CNTNAP3: variants seen among roughly 807,000 people sequenced by gnomAD.
CNTNAP3 encodes contactin-associated protein-like 3.
A neutral mutation model predicts 92.1 loss-of-function variants in CNTNAP3; 36 were observed. The ratio of observed to expected loss-of-function variants is 0.39; its 90% CI spans 0.30 to 0.52. CNTNAP3 has a LOEUF of 0.52. Ranked by LOEUF, CNTNAP3 falls within the 20% of genes least tolerant of loss-of-function variation. The pLI is 0.76. For synonymous variants in CNTNAP3, 232 were observed against 422.3 expected (o/e 0.55, Z 5.53); for missense variants, 534 against 1,069.6 (o/e 0.50, Z 6.98).
intron 18 of CNTNAP3, among the ~76,000 whole-genome samples, chr9:39,096,383 T>C (rs1826326070): frequency 6.6e-6 from 1 of 151,790 alleles, no homozygotes; most frequent in Non-Finnish European, 1.5e-5. Flanking sequence ...TTTTTGTAAG[T>C]AGGGATATAT....
chr9:39,099,338 G>C (rs1826398926), intron 18 of CNTNAP3, among the ~76,000 whole-genome samples: 1 of 152,294 alleles, frequency 6.6e-6, no homozygotes, highest in East Asian at 1.9e-4. Context: ...AAACATCATA[G>C]AGCACAGTGT....
At chr9:39,094,275 A>G (rs1826279161) in intron 18 of CNTNAP3, among the ~76,000 whole-genome samples, 1 of 151,570 alleles carries the variant, frequency 6.6e-6, no homozygotes, top group African/African-American at 2.4e-5. Flanking sequence ...CATCAGATAC[A>G]TAATTTGCAA....
chr9:39,109,827 C>T (rs1587712168), intron 14 of CNTNAP3, among the ~76,000 whole-genome samples: 1 of 152,150 alleles, frequency 6.6e-6, no homozygotes, highest in East Asian at 1.9e-4. Context: ...AAGGTAACTT[C>T]CCTTCTAAAA....
intron 10 of CNTNAP3, 45 bp downstream of exon 10, chr9:39,149,761 A>G: frequency 8.0e-7 from 1 of 1,256,482 alleles, no homozygotes; most frequent in Admixed American, 2.7e-5. Flanking sequence ...TGCTTTCTTC[A>G]ACTTTGAAAA....
In CNTNAP3 at chr9:39,066,083, T is replaced by G. The variant is rs1020873213; in HGVS notation, c.*7807A>C. On this transcript the variant is annotated 3_prime_UTR_variant, in exon 24 of 24. Transcript: ENST00000297668. Reference sequence around the variant, plus strand: ...TTCAAGCATTTAAAAATTTATTCTATTTCATCGCTGCATTGTAATATTATT... The same window carrying G: ...TTCAAGCATTTAAAAATTTATTCTAGTTCATCGCTGCATTGTAATATTATT... Among the ~76,000 whole-genome samples the G allele has an allele frequency of 6.6e-6, 1 of 152,256 alleles. No homozygotes were observed. Among genetic ancestry groups the G allele is most frequent in the Non-Finnish European group, 1.5e-5 (1 of 68,040 alleles).
chr9:39,144,228 C>T lies in CNTNAP3; in HGVS notation c.1756+12G>A, dbSNP rs1692973. On this transcript the variant is annotated intron_variant, in intron 11 of 23. Coordinates refer to ENST00000297668, the MANE Select transcript of CNTNAP3 (RefSeq NM_033655.5). ...GATGCTGACAGAAACGAGAGGGAGG[C>T]GTGAGGCTTACAGGAATGGCAGGTC... 67 of 1,589,718 alleles carry T rather than the reference C, an allele frequency of 4.2e-5. No homozygotes were observed. In the East Asian group the frequency reaches 1.2e-3, roughly 30 times the overall value.
intron 13 of CNTNAP3, among the ~76,000 whole-genome samples, chr9:39,125,054 C>T (rs1821124279): frequency 6.6e-6 from 1 of 152,086 alleles, no homozygotes. Context: ...AAGACACATG[C>T]ACACATATGT....
chr9:39,139,912 A>T (rs1365210618), intron 12 of CNTNAP3: 2 of 151,682 alleles, frequency 1.3e-5, no homozygotes, highest in Non-Finnish European at 2.9e-5. Context: ...ATGCCCAGCT[A>T]ATTTTTGTAT....
chr9:39,107,300 AG>A (rs1826630613), intron 15 of CNTNAP3, among the ~76,000 whole-genome samples: 2 of 148,070 alleles, frequency 1.4e-5, no homozygotes, highest in South Asian at 4.5e-4. Flanking sequence ...GAAGAGAGGG[AG>A]GGAGGGAGTG....
rs954110467 is a variant in CNTNAP3 at position 39,068,884 on chromosome 9, CAT to C, written c.*5004_*5005del. 2.6e-5 allele frequency among the ~76,000 whole-genome samples: 4 copies of C among 152,306 alleles called. No homozygotes were observed. The highest frequency in any genetic ancestry group is 9.6e-5 in the African/African-American group (4 of 41,484). On this transcript the variant is annotated 3_prime_UTR_variant, in exon 24 of 24. Transcript: ENST00000297668. ...GCCTCATGTCCAGTGTACTGAAAACCATAGTTTCATATATTTTGTCTGGTTTG... is the reference window on the plus strand; with the variant it reads ...GCCTCATGTCCAGTGTACTGAAAACCAGTTTCATATATTTTGTCTGGTTTG...
At chr9:39,075,900 G>A (rs1375561675) in intron 23 of CNTNAP3, among the ~76,000 whole-genome samples, 1 of 152,308 alleles carries the variant, frequency 6.6e-6, no homozygotes, top group African/African-American at 2.4e-5. Flanking sequence ...ACAAAGTTAG[G>A]AATGATGAGG....
intron 2 of CNTNAP3, among the ~76,000 whole-genome samples, chr9:39,248,992 A>C (rs1822792262): frequency 5.8e-5 from 1 of 17,208 alleles, no homozygotes; most frequent in African/African-American, 7.7e-5. Flanking sequence ...AGAAACTGCC[A>C]AACTATTCTC....
chr9:39,076,245 C>T (rs1462383376), intron 23 of CNTNAP3, among the ~76,000 whole-genome samples: 2 of 152,304 alleles, frequency 1.3e-5, no homozygotes, highest in African/African-American at 4.8e-5. Context: ...AAGCTGGGTA[C>T]TAACCCTGAC....
chr9:39,159,703 G>A lies in CNTNAP3; in HGVS notation c.1477+6230C>T, dbSNP rs1822044693. The A allele has an allele frequency of 1.4e-5, 2 of 143,542 alleles. 1 individual carries two copies. The highest frequency in any genetic ancestry group is 1.4e-4 in the Admixed American group (2 of 14,594). 8.9% of individuals were successfully genotyped at this position (143,542 alleles called of 1,614,324 possible). On this transcript the variant is annotated intron_variant, in intron 9 of 23. Coordinates refer to ENST00000297668, the MANE Select transcript of CNTNAP3 (RefSeq NM_033655.5). ...GTAATCTTTTTCAGTATATTCTCAG[G>A]GTGTGTTTGAGGAAAGCTTTTTTTT...
At chr9:39,114,015 C>T (rs938428477) in intron 14 of CNTNAP3, among the ~76,000 whole-genome samples, 4 of 146,534 alleles carry the variant, frequency 2.7e-5, no homozygotes, top group Non-Finnish European at 4.5e-5. Flanking sequence ...TATATACACA[C>T]ATATATATAC....
At chr9:39,118,046 T>C (rs1395056683) in intron 14 of CNTNAP3, 57 bp downstream of exon 14, 2 of 1,586,472 alleles carry the variant, frequency 1.3e-6, no homozygotes, top group Admixed American at 1.8e-5. Flanking sequence ...TAATTAACTA[T>C]GCATAATTAA....
In CNTNAP3 at chr9:39,068,483, G is replaced by T. The variant is rs1328062520; in HGVS notation, c.*5407C>A. ...AATTCATAGAGAGGTGACTAGAAAAGATGTTTAAAAAGATTCCTTGAGGTC... is the reference window on the plus strand; with the variant it reads ...AATTCATAGAGAGGTGACTAGAAAATATGTTTAAAAAGATTCCTTGAGGTC... On this transcript the variant is annotated 3_prime_UTR_variant, in exon 24 of 24. Transcript: ENST00000297668. 1.5e-4 allele frequency among the ~76,000 whole-genome samples: 23 copies of T among 152,302 alleles called. No homozygotes were observed. The highest frequency in any genetic ancestry group is 2.9e-5 in the Non-Finnish European group (2 of 68,040).
rs1825594750 is a variant in CNTNAP3, at chr9:39,069,600, T to G, written c.*4290A>C. Among the ~76,000 whole-genome samples the G allele has an allele frequency of 1.3e-5, 2 of 152,264 alleles. No individual in the cohort carries two copies. The highest frequency in any genetic ancestry group is 2.9e-5 in the Non-Finnish European group (2 of 68,048). On this transcript the variant is annotated 3_prime_UTR_variant, in exon 24 of 24. Coordinates refer to ENST00000297668, the MANE Select transcript of CNTNAP3 (RefSeq NM_033655.5). ...ATAGGCAATAAACTATGTTATCATT[T>G]TGTAAAAAAAATACCACAGGAAGTA...
At chr9:39,168,109 C>T (rs192488678) in intron 8 of CNTNAP3, among the ~76,000 whole-genome samples, 1,494 of 134,912 alleles carry the variant, frequency 0.011, 41 homozygotes, top group African/African-American at 0.038. Flanking sequence ...CTCCGCCTTC[C>T]GGGTTCAAGC....
Sources: allele counts gnomAD v4.1 joint callset (sites outside exome capture counted in the v4.1 genomes callset), GRCh38; gene constraint gnomAD v4.1.1; transcripts MANE v1.5; gene names NCBI Gene and HGNC (gene_info 2026-07-23, HGNC 2026-07-21).